ATP12A: variants seen among roughly 807,000 people sequenced by gnomAD.
ATP12A encodes the protein ATPase H+/K+ transporting non-gastric alpha2 subunit, also known as potassium-transporting ATPase alpha chain 2.
Under a neutral mutation model 111.2 loss-of-function variants are expected in ATP12A, and 81 were observed. That is an observed-to-expected ratio of 0.73 (90% CI 0.61 to 0.88). ATP12A has a LOEUF of 0.88. Among genes scored for constraint, ATP12A ranks in the 40% least tolerant of loss-of-function variants. The probability of loss-of-function intolerance (pLI) is 0.00; values close to 1 mark genes in which losing one functional copy is unlikely to be tolerated. For synonymous variants in ATP12A, 498 were observed against 499.8 expected (o/e 1.00, Z 0.05); for missense variants, 1,196 against 1,313.1 (o/e 0.91, Z 1.38).
intron 11 of ATP12A, among the ~76,000 whole-genome samples, chr13:24,696,750 AGGG>A (rs1472583358): frequency 1.1e-5 from 1 of 94,604 alleles, no homozygotes; most frequent in Non-Finnish European, 2.1e-5. Context: ...AAAAAAAGAA[AGGG>A]GAGAGGGGCT....
chr13:24,690,302 A>C (rs1311385731), intron 5 of ATP12A, 36 bp from the exon 6 acceptor site: 7 of 1,609,378 alleles, frequency 4.3e-6, no homozygotes, highest in Non-Finnish European at 5.9e-6. Flanking sequence ...GTGTCCTTCC[A>C]GGGTCTGAGG....
intron 4 of ATP12A, 27 bp from the exon 5 acceptor site, chr13:24,689,235 C>G: frequency 6.2e-7 from 1 of 1,602,382 alleles, no homozygotes; most frequent in Middle Eastern, 1.7e-4. Context: ...GCTGGTTTCT[C>G]TGACTGACGC....
intron 10 of ATP12A, among the ~76,000 whole-genome samples, chr13:24,694,200 G>A (rs1232739684): frequency 1.3e-5 from 2 of 152,160 alleles, no homozygotes; most frequent in Non-Finnish European, 2.9e-5. Context: ...CTAGTTCGTA[G>A]CTGCTTTTTT....
At chr13:24,697,906 G>A (rs1875233429) in intron 11 of ATP12A, among the ~76,000 whole-genome samples, 1 of 151,952 alleles carries the variant, frequency 6.6e-6, no homozygotes, top group African/African-American at 2.4e-5. Context: ...ACCCAAAATT[G>A]TAGCACTTTT....
At chr13:24,694,658 A>T in intron 11 of ATP12A, 80 bp downstream of exon 11, 2 of 1,593,766 alleles carry the variant, frequency 1.3e-6, no homozygotes, top group Non-Finnish European at 1.7e-6. Flanking sequence ...TGCTTACCTC[A>T]TATTTTGAAG....
At chr13:24,687,043 G>A (rs1343378751) in intron 3 of ATP12A, among the ~76,000 whole-genome samples, 1 of 152,122 alleles carries the variant, frequency 6.6e-6, no homozygotes, top group Admixed American at 6.5e-5. Context: ...TGAGTCTGGG[G>A]TTCTGGAAAA....
At chr13:24,709,562 GA>G (rs1875870438) in intron 18 of ATP12A, 75 bp downstream of exon 18, 1 of 1,595,024 alleles carries the variant, frequency 6.3e-7, no homozygotes, top group African/African-American at 1.3e-5. Context: ...GGCACAGCCA[GA>G]AAGTGTGGTT....
chr13:24,690,268 C>CG, intron 5 of ATP12A, 70 bp from the exon 6 acceptor site: 1 of 1,583,324 alleles, frequency 6.3e-7, no homozygotes, highest in Non-Finnish European at 8.6e-7. Context: ...GGGTTCGGTG[C>CG]GGCACAGACT....
Position 24,706,439 on chromosome 13 carries a change from C to A in ATP12A, c.2145C>A (p.Ile715=), listed in dbSNP as rs377172027. 2.4e-4 allele frequency: 383 copies of A among 1,613,984 alleles called. 1 individual carries two copies. Among genetic ancestry groups the A allele is most frequent in the Non-Finnish European group, 3.1e-4 (364 of 1,179,974 alleles). Residue 715 remains isoleucine, a synonymous_variant, in exon 15 of 23, where the codon ATC becomes ATA. Coordinates refer to ENST00000381946, the MANE Select transcript of ATP12A (RefSeq NM_001676.7). The part of the protein sequence containing the change: ...FARTSPQQKL[I]IVEGCQRQDA... ...GGACATCCCCCCAGCAGAAGCTGAT[C>A]ATTGTGGAGGGCTGTCAGAGGCAGG...
At chr13:24,694,395 T>C (rs778003115) in intron 10 of ATP12A, 49 bp from the exon 11 acceptor site, 3 of 1,608,904 alleles carry the variant, frequency 1.9e-6, no homozygotes, top group South Asian at 1.1e-5. Flanking sequence ...TGAGGGCATG[T>C]TGGTTCATTA....
intron 14 of ATP12A, among the ~76,000 whole-genome samples, chr13:24,703,391 C>T (rs138539263): frequency 0.039 from 5,870 of 151,278 alleles, 167 homozygotes; most frequent in South Asian, 0.12. Context: ...TACAGGCGCC[C>T]GCCACCATGC....
chr13:24,686,530 G>A (rs748336045), intron 3 of ATP12A, among the ~76,000 whole-genome samples: 1 of 152,004 alleles, frequency 6.6e-6, no homozygotes, highest in African/African-American at 2.4e-5. Context: ...CACGAGGTCA[G>A]GAGATCGAGA....
At chr13:24,695,210 G>A (rs1018185495) in intron 11 of ATP12A, among the ~76,000 whole-genome samples, 1 of 152,234 alleles carries the variant, frequency 6.6e-6, no homozygotes, top group Non-Finnish European at 1.5e-5. Context: ...TCAGGCCATG[G>A]GAGCAAGCCC....
chr13:24,697,376 G>A (rs1404740720), intron 11 of ATP12A, among the ~76,000 whole-genome samples: 6 of 152,298 alleles, frequency 3.9e-5, no homozygotes, highest in African/African-American at 1.2e-4. Context: ...GCTCACACCT[G>A]TAATCACAGC....
chr13:24,707,029 G>A lies in ATP12A; in HGVS notation c.2176G>A (p.Val726Ile), dbSNP rs1159861134. 6.2e-7 allele frequency: 1 copy of A among 1,602,982 alleles called. No homozygotes were observed. The highest frequency in any genetic ancestry group is 8.5e-7 in the Non-Finnish European group (1 of 1,173,592). ...IVEGCQRQDA[V>I]VAVTGDGVND... ...CCTGGGTCCCCCGCCATAGGATGCT[G>A]TTGTTGCTGTGACCGGGGATGGAGT... The change falls in exon 16 of 23, where the codon GTT (valine) becomes ATT (isoleucine). Residue 726 changes from valine (V) to isoleucine (I), a missense_variant. Physicochemically the swap from Val to Ile is conservative, Grantham distance 29. This residue lies in a region of ATP12A where 1,126 missense variants were observed against 1,228.5 expected (regional missense o/e 0.92). Transcript: ENST00000381946.
chr13:24,709,643 C>T lies in ATP12A; in HGVS notation c.2618-40C>T, dbSNP rs373047117. Reference sequence around the variant, plus strand: ...GACAGGATGAGGCAGTTTCCTGAGGCCATCATAGAACCTGTGTCCTATCTC... The same window carrying T: ...GACAGGATGAGGCAGTTTCCTGAGGTCATCATAGAACCTGTGTCCTATCTC... On this transcript the variant is annotated intron_variant, in intron 18 of 22. Coordinates refer to ENST00000381946, the MANE Select transcript of ATP12A (RefSeq NM_001676.7). The T allele has an allele frequency of 3.7e-6, 6 of 1,606,012 alleles. No homozygotes were observed. The African/African-American group carries it at 8.0e-5, about 21-fold the overall frequency.
intron 1 of ATP12A, among the ~76,000 whole-genome samples, chr13:24,681,126 G>C (rs552168404): frequency 6.6e-6 from 1 of 152,286 alleles, no homozygotes; most frequent in African/African-American, 2.4e-5. Context: ...AGGGTCGTAA[G>C]CTTAGTGGGT....
At chr13:24,700,614 A>G (rs754378501) in intron 12 of ATP12A, 133 bp from the exon 13 acceptor site, 15 of 759,940 alleles carry the variant, frequency 2.0e-5, no homozygotes, top group Non-Finnish European at 3.0e-5. Context: ...AGTTGAAGAA[A>G]TTAAACAATT....
At chr13:24,711,289 G>T (rs886189608) in intron 21 of ATP12A, 29 bp from the exon 22 acceptor site, 53 of 1,568,692 alleles carry the variant, frequency 3.4e-5, no homozygotes, top group Non-Finnish European at 4.6e-5. Context: ...GGATGAGTCA[G>T]GGTTCACTTT....
Sources: gnomAD v4.1 joint callset for allele counts (sites outside exome capture counted in the v4.1 genomes callset) on GRCh38, gnomAD v4.1.1 for gene constraint, gnomAD v4.1.1 regional missense constraint, MANE v1.5 for transcripts, NCBI Gene and HGNC (gene_info 2026-07-23, HGNC 2026-07-21) for gene names.